GOLGA2: variants seen among roughly 807,000 people sequenced by gnomAD.
GOLGA2 encodes the protein golgin A2, also known as golgin subfamily A member 2.
In GOLGA2, 49 loss-of-function variants were observed where a neutral mutation model predicts 148.8. The ratio of observed to expected loss-of-function variants is 0.33; its 90% CI spans 0.26 to 0.42. The LOEUF is 0.42. GOLGA2 is among the 10% of genes least tolerant of loss of function. GOLGA2 has a pLI of 1.00. For synonymous variants in GOLGA2, 501 were observed against 511.8 expected, an observed-to-expected ratio of 0.98 and a Z score of 0.28; for missense variants, 1,178 against 1,304.6, an observed-to-expected ratio of 0.90 and a Z score of 1.49.
In GOLGA2 at chr9:128,266,906, ACAAC is replaced by A; in HGVS notation, c.642+284_642+287del. ...TCAGGGCAGAAATACAGGGCTCCTG[ACAAC>A]CAGTCAGGCTAGCGCTTCCCCAAGA... On this transcript the variant is annotated intron_variant, in intron 8 of 26. Coordinates refer to ENST00000611957, the MANE Select transcript of GOLGA2 (RefSeq NM_001366244.2). The surrounding 1 kb of genome is among the most constrained non-coding windows in gnomAD (Gnocchi z 4.2). The A allele has an allele frequency of 1.9e-6, 1 of 524,186 alleles. No homozygotes were observed. 32.5% of individuals were successfully genotyped at this position (524,186 alleles called of 1,614,324 possible). A position where few individuals can be genotyped will look rare whatever the true frequency, so the allele number is the denominator to read the frequency against.
intron 19 of GOLGA2, among the ~76,000 whole-genome samples, chr9:128,259,602 A>G (rs1830128287): frequency 6.6e-6 from 1 of 152,254 alleles, no homozygotes; most frequent in Non-Finnish European, 1.5e-5. Flanking sequence ...CGTAGGCCAC[A>G]GACTGGTGGA....
In GOLGA2 at chr9:128,266,362, GC is replaced by G; in HGVS notation, c.643-38del. 1 of 1,586,082 alleles carries G rather than the reference GC, an allele frequency of 6.3e-7. No individual in the cohort carries two copies. Among genetic ancestry groups the G allele is most frequent in the Non-Finnish European group, 8.6e-7 (1 of 1,156,590 alleles). The stretch of plus-strand genomic sequence containing the variant: ...AGTCAAAGGAAGGTGACTGAGGGTG[GC>G]CCCCTCAACTCTATTCCCCAGACCA... On this transcript the variant is annotated intron_variant, in intron 8 of 26. Coordinates refer to ENST00000611957, the MANE Select transcript of GOLGA2 (RefSeq NM_001366244.2). The surrounding 1 kb of genome is among the most constrained non-coding windows in gnomAD (Gnocchi z 4.2).
intron 2 of GOLGA2, 162 bp downstream of exon 2, chr9:128,273,688 C>A: frequency 1.2e-6 from 1 of 831,892 alleles, no homozygotes; most frequent in Non-Finnish European, 1.9e-6. Flanking sequence ...GCCCAAAAAG[C>A]TCAAGCAATT....
In GOLGA2 at chr9:128,258,258, G is replaced by A. The variant is rs550062163; in HGVS notation, c.2290-60C>T. On this transcript the variant is annotated intron_variant, in intron 22 of 26. Transcript: ENST00000611957. This position sits in a 1 kb window ranked among gnomAD's most constrained non-coding sequence, Gnocchi z 6.6. ...TATATAGGATGAACAGGGCAGGGAG[G>A]TAGAGAGCAGCCCTTCCCTTGGGGC... is the stretch of plus-strand genomic sequence containing the variant. 4.5e-6 allele frequency: 6 copies of A among 1,347,404 alleles called. No individual in the cohort carries two copies. The South Asian group carries it at 7.8e-5, about 18-fold the overall frequency. The allele number at this position is 1,347,404 out of a possible 1,614,324, so 83.5% of individuals were successfully genotyped here. A position where few individuals can be genotyped will look rare whatever the true frequency, so the allele number is the denominator to read the frequency against.
chr9:128,274,039 A>G (rs550219123), intron 1 of GOLGA2, 67 bp from the exon 2 acceptor site: 2 of 1,510,562 alleles, frequency 1.3e-6, no homozygotes, highest in East Asian at 4.5e-5. Flanking sequence ...CCTACTTTAC[A>G]ATTTTTCCAA....
In GOLGA2 at chr9:128,265,778, A is replaced by G; in HGVS notation, c.826+10T>C. ...CAGGTTGAAGGATGATGGGGTGCCC[A>G]GATTCCCACCTTCTTTCTGCCTGGC... On this transcript the variant is annotated intron_variant, in intron 11 of 26. Transcript: ENST00000611957. 1.2e-6 allele frequency: 2 copies of G among 1,613,100 alleles called. No individual in the cohort carries two copies. The highest frequency in any genetic ancestry group is 4.5e-5 in the East Asian group (2 of 44,872).
In GOLGA2 at chr9:128,258,583, C is replaced by T; in HGVS notation, c.2174-13G>A. 1 of 1,543,690 alleles carries T rather than the reference C, an allele frequency of 6.5e-7. No individual in the cohort carries two copies. Among genetic ancestry groups the T allele is most frequent in the Non-Finnish European group, 8.8e-7 (1 of 1,141,738 alleles). On this transcript the variant is annotated splice_polypyrimidine_tract_variant and intron_variant, in intron 21 of 26. Coordinates refer to ENST00000611957, the MANE Select transcript of GOLGA2 (RefSeq NM_001366244.2). The surrounding 1 kb of genome is among the most constrained non-coding windows in gnomAD (Gnocchi z 6.6). The stretch of plus-strand genomic sequence containing the variant: ...TCCAGTCCATCTCCTATGGGGGTGG[C>T]CAGAGGGGTCATCAGACAACCCAAC...
At chr9:128,262,448 C>A in intron 14 of GOLGA2, 115 bp downstream of exon 14, 2 of 948,270 alleles carry the variant, frequency 2.1e-6, no homozygotes, top group Non-Finnish European at 3.2e-6. Flanking sequence ...AGGACCGGAA[C>A]AAGGACCCAA....
Position 128,265,498 on chromosome 9 carries a change from A to T in GOLGA2, c.933+87T>A, listed in dbSNP as rs1268022953. ...GCCCATGCTGCCTTCTAGGCAGGACAGTCAACCCTGCAGAAGGGACCTTTA... is the reference window on the plus strand; with the variant it reads ...GCCCATGCTGCCTTCTAGGCAGGACTGTCAACCCTGCAGAAGGGACCTTTA... On this transcript the variant is annotated intron_variant, in intron 12 of 26. Coordinates refer to ENST00000611957, the MANE Select transcript of GOLGA2 (RefSeq NM_001366244.2). 4 of 996,592 alleles carry T rather than the reference A, an allele frequency of 4.0e-6. No homozygotes were observed. The East Asian group carries it at 7.2e-5, about 18-fold the overall frequency. The allele number at this position is 996,592 out of a possible 1,614,324, so 61.7% of individuals were successfully genotyped here.
In GOLGA2 at chr9:128,259,355, G is replaced by C; in HGVS notation, c.1909C>G (p.Gln637Glu). 6.2e-7 allele frequency: 1 copy of C among 1,602,530 alleles called. No homozygotes were observed. The highest frequency in any genetic ancestry group is 8.5e-7 in the Non-Finnish European group (1 of 1,174,866). ...TGTCCCAGGTACTGGTCTCGCTGCTGCTGCAGACTTTGAGCCTCTTGGCTC... is the reference window on the plus strand; with the variant it reads ...TGTCCCAGGTACTGGTCTCGCTGCTCCTGCAGACTTTGAGCCTCTTGGCTC... Reference protein sequence around the residue: ...LKSQEAQSLQQQRDQYLGHLQ... With the variant: ...LKSQEAQSLQEQRDQYLGHLQ... The change falls in exon 20 of 27, where the codon CAG (glutamine) becomes GAG (glutamate). Residue 637 changes from glutamine (Q) to glutamate (E), a missense_variant. By Grantham distance (29) the Gln-to-Glu change is conservative (BLOSUM62 2). This residue lies in a region of GOLGA2 where 529 missense variants were observed against 521.8 expected (regional missense o/e 1.01). Transcript: ENST00000611957.
chr9:128,262,812 G>C, intron 13 of GOLGA2, 108 bp from the exon 14 acceptor site: 1 of 1,058,190 alleles, frequency 9.5e-7, no homozygotes, highest in Admixed American at 2.0e-5. Context: ...GGCACTGGAA[G>C]GAACCCCAGG....
chr9:128,268,028 C>T, intron 5 of GOLGA2, 31 bp from the exon 6 acceptor site: 1 of 1,608,682 alleles, frequency 6.2e-7, no homozygotes, highest in South Asian at 1.1e-5. Flanking sequence ...GTCAGGGGTG[C>T]AGGTGGCTCA....
chr9:128,260,201 G>A lies in GOLGA2; in HGVS notation c.1759-12C>T. Reference sequence around the variant, plus strand: ...ATGTTCTCATTAGTCTGGACAGAGAGAAGCAATCAGCGGCCACCCACTGCA... The same window carrying A: ...ATGTTCTCATTAGTCTGGACAGAGAAAAGCAATCAGCGGCCACCCACTGCA... On this transcript the variant is annotated splice_polypyrimidine_tract_variant and intron_variant, in intron 18 of 26. Transcript: ENST00000611957. The surrounding 1 kb of genome is among the most constrained non-coding windows in gnomAD (Gnocchi z 4.8). 6.3e-7 allele frequency: 1 copy of A among 1,581,088 alleles called. No homozygotes were observed. Among genetic ancestry groups the A allele is most frequent in the Non-Finnish European group, 8.6e-7 (1 of 1,157,974 alleles).
chr9:128,261,973 G>A lies in GOLGA2; in HGVS notation c.1135-216C>T. 1.9e-6 allele frequency: 1 copy of A among 539,852 alleles called. No individual in the cohort carries two copies. The highest frequency in any genetic ancestry group is 2.2e-5 in the South Asian group (1 of 44,552). The allele number at this position is 539,852 out of a possible 1,614,324, so 33.4% of individuals were successfully genotyped here. A position where few individuals can be genotyped will look rare whatever the true frequency, so the allele number is the denominator to read the frequency against. Reference sequence around the variant, plus strand: ...AATCTCAACACTTTGGGAGGCTGAGGTGGGTGGATTGCTTGAGCTCAGGAG... The same window carrying A: ...AATCTCAACACTTTGGGAGGCTGAGATGGGTGGATTGCTTGAGCTCAGGAG... On this transcript the variant is annotated intron_variant, in intron 14 of 26. Coordinates refer to ENST00000611957, the MANE Select transcript of GOLGA2 (RefSeq NM_001366244.2). The surrounding 1 kb of genome is among the most constrained non-coding windows in gnomAD (Gnocchi z 5.7).
In GOLGA2 at chr9:128,261,161, C is replaced by G. The variant is rs548811706; in HGVS notation, c.1420+11G>C. The G allele has an allele frequency of 6.3e-7, 1 of 1,591,820 alleles. No individual in the cohort carries two copies. Among genetic ancestry groups the G allele is most frequent in the Admixed American group, 1.7e-5 (1 of 60,006 alleles). ...CATTCCTGCTCCCAGGTCACCCCAG[C>G]CCCAGCTTACCCATCTGGTTCCTCA... is the stretch of plus-strand genomic sequence containing the variant. On this transcript the variant is annotated intron_variant, in intron 17 of 26. Transcript: ENST00000611957. This position sits in a 1 kb window ranked among gnomAD's most constrained non-coding sequence, Gnocchi z 5.7.
chr9:128,265,852 T>C lies in GOLGA2; in HGVS notation c.762A>G (p.Val254=). ...CTGTCTGTAACTCAGCTTTCTCTGA[T>C]ACGAGGATCCCTATGGTCTGAATGT... ...QVHIQTIGIL[V]SEKAELQTAL... Residue 254 remains valine, a synonymous_variant, in exon 11 of 27, where the codon GTA becomes GTG. Coordinates refer to ENST00000611957, the MANE Select transcript of GOLGA2 (RefSeq NM_001366244.2). The C allele has an allele frequency of 6.2e-7, 1 of 1,613,758 alleles. No individual in the cohort carries two copies. Among genetic ancestry groups the C allele is most frequent in the African/African-American group, 1.3e-5 (1 of 75,050 alleles).
Position 128,257,722 on chromosome 9 carries a change from G to A in GOLGA2, c.2612-15C>T. The A allele has an allele frequency of 6.2e-7, 1 of 1,612,524 alleles. No homozygotes were observed. The highest frequency in any genetic ancestry group is 8.5e-7 in the Non-Finnish European group (1 of 1,178,572). The stretch of plus-strand genomic sequence containing the variant: ...AATGTACTCTCCTGCGGGAGGACAG[G>A]GCTCAGATGCTGGGTTCCCTCCGAC... On this transcript the variant is annotated splice_polypyrimidine_tract_variant and intron_variant, in intron 24 of 26. Coordinates refer to ENST00000611957, the MANE Select transcript of GOLGA2 (RefSeq NM_001366244.2). This position sits in a 1 kb window ranked among gnomAD's most constrained non-coding sequence, Gnocchi z 8.0.
At position 128,271,177 on chromosome 9, in the gene GOLGA2, T is replaced by C. The variant is rs548005099; in HGVS notation, c.288+1608A>G. Among the ~76,000 whole-genome samples the C allele has an allele frequency of 1.1e-4, 16 of 152,244 alleles. No individual in the cohort carries two copies. The highest frequency in any genetic ancestry group is 3.4e-3 in the Middle Eastern group (1 of 294). On this transcript the variant is annotated intron_variant, in intron 3 of 26. Transcript: ENST00000611957. The surrounding 1 kb of genome is among the most constrained non-coding windows in gnomAD (Gnocchi z 4.4). The stretch of plus-strand genomic sequence containing the variant: ...GAAGACCCCCTAATCCACTGGACCA[T>C]TGGCAGAGCAAAAGCCAAATGCTTT...
Position 128,267,221 on chromosome 9 carries a change from T to C in GOLGA2, c.615A>G (p.Lys205=). 1 of 1,606,372 alleles carries C rather than the reference T, an allele frequency of 6.2e-7. No individual in the cohort carries two copies. Among genetic ancestry groups the C allele is most frequent in the Non-Finnish European group, 8.5e-7 (1 of 1,172,916 alleles). Residue 205 remains lysine, a synonymous_variant, in exon 8 of 27, where the codon AAA becomes AAG. Coordinates refer to ENST00000611957, the MANE Select transcript of GOLGA2 (RefSeq NM_001366244.2). ...VALDSSYVTN[K]QLNITIEKLK... is the part of the protein sequence containing the mutation. ...ATTTCTCTATCGTGATATTGAGTTGTTTGTTTGTTACATAGCTGGAGTCCA... is the reference window on the plus strand; with the variant it reads ...ATTTCTCTATCGTGATATTGAGTTGCTTGTTTGTTACATAGCTGGAGTCCA...
Sources: gnomAD v4.1 joint callset for allele counts (sites outside exome capture counted in the v4.1 genomes callset) on GRCh38, gnomAD v4.1.1 for gene constraint, gnomAD v4.1.1 regional missense constraint, Gnocchi (gnomAD v3.1) non-coding constraint, MANE v1.5 for transcripts, NCBI Gene and HGNC (gene_info 2026-07-23, HGNC 2026-07-21) for gene names.